Variants in MTRES1 observed in about 807,000 individuals in gnomAD.
MTRES1 encodes the protein mitochondrial transcription rescue factor 1, also known as uncharacterized protein C6orf203.
Under a neutral mutation model 17.4 loss-of-function variants are expected in MTRES1, and 11 were observed. The observed-to-expected ratio is 0.63, with a 90% confidence interval of 0.40 to 1.05. The LOEUF is 1.05. Ranked by LOEUF, MTRES1 falls within the 50% of genes least tolerant of loss-of-function variation. MTRES1 has a pLI of 0.00. For missense variants in MTRES1, 268 were observed against 276.2 expected (o/e 0.97, Z 0.21); for synonymous variants, 94 against 99.6 (o/e 0.94, Z 0.34).
intron 2 of MTRES1, among the ~76,000 whole-genome samples, chr6:107,043,053 C>T (rs73761792): frequency 2.0e-3 from 303 of 152,142 alleles, no homozygotes; most frequent in African/African-American, 6.8e-3. Flanking sequence ...AATGGAGGGC[C>T]GGGTGCGGTG....
At chr6:107,031,066 C>G (rs1183798427) in intron 1 of MTRES1, among the ~76,000 whole-genome samples, 2 of 152,020 alleles carry the variant, frequency 1.3e-5, no homozygotes, top group Non-Finnish European at 2.9e-5. Flanking sequence ...AGATAGAGCC[C>G]TGGGCCGCTC....
chr6:107,049,702 C>T (rs191842105), intron 3 of MTRES1, among the ~76,000 whole-genome samples: 12 of 146,464 alleles, frequency 8.2e-5, no homozygotes, highest in African/African-American at 2.3e-4. Context: ...CTTGAGCCAC[C>T]GTGCCCAGCC....
At chr6:107,041,718 C>A (rs548959276) in intron 2 of MTRES1, among the ~76,000 whole-genome samples, 3 of 151,806 alleles carry the variant, frequency 2.0e-5, no homozygotes, top group Non-Finnish European at 4.4e-5. Context: ...TTAGTAGAGA[C>A]GGGATTTCAC....
At chr6:107,048,835 A>AC (rs532253955) in intron 3 of MTRES1, among the ~76,000 whole-genome samples, 4 of 151,078 alleles carry the variant, frequency 2.6e-5, no homozygotes, top group South Asian at 2.1e-4. Flanking sequence ...GAAGGGTGGA[A>AC]CCCCCCCACC....
At chr6:107,034,566 CA>C (rs1422303267) in intron 1 of MTRES1, among the ~76,000 whole-genome samples, 1 of 152,208 alleles carries the variant, frequency 6.6e-6, no homozygotes, top group Non-Finnish European at 1.5e-5. Flanking sequence ...CTAGGCTTTG[CA>C]GCTCGGATGC....
intron 2 of MTRES1, among the ~76,000 whole-genome samples, chr6:107,043,569 G>A (rs1278854808): frequency 1.4e-5 from 2 of 146,792 alleles, no homozygotes; most frequent in African/African-American, 4.9e-5. Context: ...GTAAGCTAGA[G>A]AAAAGAAAAT....
chr6:107,029,147 T>G lies in MTRES1; in HGVS notation c.-13+876T>G, dbSNP rs1773739379. Among the ~76,000 whole-genome samples, 3 of 149,176 alleles carry G rather than the reference T, an allele frequency of 2.0e-5. No homozygotes were observed. In the South Asian group the frequency reaches 6.3e-4, roughly 31 times the overall value. On this transcript the variant is annotated intron_variant, in intron 1 of 3. Transcript: ENST00000311381. ...TTCACGCCATTCTCCTGCCTCAGCC[T>G]CCCCAGCAGCTGGGACTACAGGCGC... is the stretch of plus-strand genomic sequence containing the variant.
intron 1 of MTRES1, among the ~76,000 whole-genome samples, chr6:107,030,484 A>G (rs1263901924): frequency 6.6e-6 from 1 of 152,196 alleles, no homozygotes; most frequent in Non-Finnish European, 1.5e-5. Context: ...GATGCATGGG[A>G]CACAGTCTGG....
At chr6:107,049,958 T>C (rs1416202604) in intron 3 of MTRES1, among the ~76,000 whole-genome samples, 3 of 152,194 alleles carry the variant, frequency 2.0e-5, no homozygotes, top group Non-Finnish European at 4.4e-5. Context: ...TGACCTCAGG[T>C]GGTCCACCCA....
intron 1 of MTRES1, among the ~76,000 whole-genome samples, chr6:107,038,749 A>T (rs567039681): frequency 5.3e-5 from 8 of 152,242 alleles, no homozygotes; most frequent in African/African-American, 1.4e-4. Flanking sequence ...TTTCTCTCCA[A>T]ATTTTCCTTT....
chr6:107,050,003 G>T (rs1200207836), intron 3 of MTRES1, among the ~76,000 whole-genome samples: 1 of 152,198 alleles, frequency 6.6e-6, no homozygotes, highest in Non-Finnish European at 1.5e-5. Flanking sequence ...TTACAGGTGT[G>T]AACCACTGTG....
intron 1 of MTRES1, among the ~76,000 whole-genome samples, chr6:107,037,715 T>G (rs1051300630): frequency 6.6e-6 from 1 of 151,942 alleles, no homozygotes; most frequent in South Asian, 2.1e-4. Flanking sequence ...TATATAGCAT[T>G]TTATTTATTT....
At chr6:107,034,643 T>C (rs1554226762) in intron 1 of MTRES1, among the ~76,000 whole-genome samples, 1 of 151,952 alleles carries the variant, frequency 6.6e-6, no homozygotes, top group African/African-American at 2.4e-5. Context: ...AACAAATGAG[T>C]TAACGTGTAG....
intron 1 of MTRES1, among the ~76,000 whole-genome samples, chr6:107,039,108 A>AT (rs376188587): frequency 6.6e-6 from 1 of 151,822 alleles, no homozygotes; most frequent in East Asian, 1.9e-4. Context: ...TATTGTTAGT[A>AT]TTTTTTTTAG....
intron 1 of MTRES1, among the ~76,000 whole-genome samples, chr6:107,032,556 CA>C (rs1773879850): frequency 1.3e-5 from 2 of 152,112 alleles, no homozygotes; most frequent in African/African-American, 2.4e-5. Context: ...GCTAAAGATG[CA>C]AAAATTAGCC....
chr6:107,044,311 A>C lies in MTRES1; in HGVS notation c.522A>C (p.Lys174Asn). ...GTGAACTCAGGCTGAATGAGGAAAAATTATGGAAGAAAAGCAGAACGGTGA... is the reference window on the plus strand; with the variant it reads ...GTGAACTCAGGCTGAATGAGGAAAACTTATGGAAGAAAAGCAGAACGGTGA... ...YKGELRLNEE[K>N]LWKKSRTVKV... is the part of the protein sequence containing the mutation. The change falls in exon 3 of 4, where the codon AAA (lysine) becomes AAC (asparagine). Residue 174 changes from lysine to asparagine, a missense_variant. By Grantham distance (94) the Lys-to-Asn change is moderately conservative (BLOSUM62 0). Transcript: ENST00000311381. The C allele has an allele frequency of 6.2e-7, 1 of 1,613,798 alleles. No homozygotes were observed. The highest frequency in any genetic ancestry group is 1.1e-5 in the South Asian group (1 of 91,070).
At chr6:107,033,073 G>A (rs145424117) in intron 1 of MTRES1, among the ~76,000 whole-genome samples, 12 of 152,272 alleles carry the variant, frequency 7.9e-5, no homozygotes, top group African/African-American at 2.6e-4. Context: ...GTGATTGTAG[G>A]GGTGGCTATA....
At chr6:107,044,357 G>A in intron 3 of MTRES1, 25 bp downstream of exon 3, 1 of 1,589,178 alleles carries the variant, frequency 6.3e-7, no homozygotes, top group Non-Finnish European at 8.6e-7. Flanking sequence ...TAAAATGACA[G>A]CCAGATGTTT....
intron 1 of MTRES1, among the ~76,000 whole-genome samples, chr6:107,034,025 C>T (rs548337581): frequency 1.3e-5 from 2 of 152,262 alleles, no homozygotes; most frequent in East Asian, 3.9e-4. Flanking sequence ...AAGCTGATCA[C>T]AATGAGAGGT....
Sources: gnomAD v4.1 joint callset for allele counts (sites outside exome capture counted in the v4.1 genomes callset) on GRCh38, gnomAD v4.1.1 for gene constraint, MANE v1.5 for transcripts, NCBI Gene and HGNC (gene_info 2026-07-23, HGNC 2026-07-21) for gene names.